Variants in TFPI observed in about 807,000 individuals in gnomAD.
TFPI encodes the protein anti-convertin.
Under a neutral mutation model 34.6 loss-of-function variants are expected in TFPI, and 15 were observed. That is an observed-to-expected ratio of 0.43 (90% confidence interval 0.29 to 0.67). The LOEUF (loss-of-function observed/expected upper bound fraction) is 0.67. Among genes scored for constraint, TFPI ranks in the 30% least tolerant of loss-of-function variants. The pLI, the probability that TFPI is intolerant of heterozygous loss-of-function variation, is 0.15. For synonymous variants in TFPI, 105 were observed against 120.1 expected (o/e 0.87, Z 0.82); for missense variants, 301 against 364.0 (o/e 0.83, Z 1.41).
intron 1 of TFPI, among the ~76,000 whole-genome samples, chr2:187,539,551 A>G (rs1688457508): frequency 6.6e-6 from 1 of 152,226 alleles, no homozygotes; most frequent in Non-Finnish European, 1.5e-5. Context: ...TACAGCAGAT[A>G]GTGTGTAACC....
At chr2:187,523,348 G>A (rs940092391) in intron 1 of TFPI, among the ~76,000 whole-genome samples, 1 of 152,022 alleles carries the variant, frequency 6.6e-6, no homozygotes, top group Non-Finnish European at 1.5e-5. Flanking sequence ...ATAGCAATAG[G>A]AATATTGTTA....
chr2:187,553,057 G>T (rs1218286700), intron 1 of TFPI, among the ~76,000 whole-genome samples: 1 of 151,962 alleles, frequency 6.6e-6, no homozygotes, highest in African/African-American at 2.4e-5. Context: ...GATTAGATGA[G>T]ATATGGACAC....
chr2:187,502,740 A>G (rs1685932527), intron 2 of TFPI, among the ~76,000 whole-genome samples: 1 of 152,074 alleles, frequency 6.6e-6, no homozygotes, highest in African/African-American at 2.4e-5. Flanking sequence ...ACACTCCCCT[A>G]GGAAACAGTG....
At chr2:187,552,194 CT>C (rs1363648982) in intron 1 of TFPI, among the ~76,000 whole-genome samples, 3 of 151,544 alleles carry the variant, frequency 2.0e-5, no homozygotes, top group Admixed American at 6.6e-5. Flanking sequence ...TGAAAGATAC[CT>C]TAAAATTTTG....
chr2:187,491,823 A>T (rs573554030), intron 3 of TFPI, among the ~76,000 whole-genome samples: 111 of 152,226 alleles, frequency 7.3e-4, no homozygotes, highest in African/African-American at 2.5e-3. Flanking sequence ...TTCCAGCAAC[A>T]ATTTATAAGC....
chr2:187,512,705 C>T (rs2106167053), intron 1 of TFPI, among the ~76,000 whole-genome samples: 1 of 151,946 alleles, frequency 6.6e-6, no homozygotes, highest in South Asian at 2.1e-4. Flanking sequence ...ACAGTCTAGT[C>T]CACAGACATA....
At chr2:187,522,891 AAAATAAATAAATAAATAAATAAAT>A (rs138871269) in intron 1 of TFPI, among the ~76,000 whole-genome samples, 1 of 142,590 alleles carries the variant, frequency 7.0e-6, no homozygotes, top group Non-Finnish European at 1.5e-5. Flanking sequence ...ACTGTGTCTC[AAAATAAATAAATAAATAAATAAAT>A]AAATAAATAA....
At chr2:187,534,594 G>A (rs963622579) in intron 1 of TFPI, among the ~76,000 whole-genome samples, 9 of 151,996 alleles carry the variant, frequency 5.9e-5, no homozygotes, top group Admixed American at 1.3e-4. Context: ...AGAAACAATC[G>A]GTACCAGCCA....
At chr2:187,503,147 T>C (rs1438656170) in intron 2 of TFPI, among the ~76,000 whole-genome samples, 5 of 152,014 alleles carry the variant, frequency 3.3e-5, no homozygotes, top group Non-Finnish European at 5.9e-5. Flanking sequence ...ATCTAACTTA[T>C]ATTACTAGAT....
chr2:187,511,206 C>T (rs1484212646), intron 1 of TFPI, among the ~76,000 whole-genome samples: 3 of 152,168 alleles, frequency 2.0e-5, no homozygotes, highest in Non-Finnish European at 4.4e-5. Context: ...GTCTGGACAT[C>T]TGAAACTTGG....
intron 1 of TFPI, among the ~76,000 whole-genome samples, chr2:187,527,790 T>C (rs1213234773): frequency 6.6e-6 from 1 of 152,192 alleles, no homozygotes; most frequent in African/African-American, 2.4e-5. Flanking sequence ...GTTTCTTATC[T>C]GTTAGACTAC....
chr2:187,478,636 T>C, intron 6 of TFPI: 1 of 1,603,976 alleles, frequency 6.2e-7, no homozygotes, highest in Non-Finnish European at 8.5e-7. Context: ...AGGCATCACG[T>C]ATACATATAA....
intron 4 of TFPI, among the ~76,000 whole-genome samples, chr2:187,486,061 A>C (rs1693238695): frequency 6.6e-6 from 1 of 151,744 alleles, no homozygotes; most frequent in African/African-American, 2.4e-5. Context: ...TATTTTATTA[A>C]GTAAAACTTC....
At chr2:187,503,392 G>GA (rs1685980062) in intron 2 of TFPI, among the ~76,000 whole-genome samples, 1 of 149,284 alleles carries the variant, frequency 6.7e-6, no homozygotes, top group Admixed American at 6.7e-5. Flanking sequence ...ATTGTATGCT[G>GA]AAAAAAAAGA....
At chr2:187,532,263 A>T (rs570402022) in intron 1 of TFPI, among the ~76,000 whole-genome samples, 45 of 152,072 alleles carry the variant, frequency 3.0e-4, no homozygotes, top group African/African-American at 1.0e-3. Context: ...GAATGAGATA[A>T]TATTGATAAC....
rs1262647969 is a variant in TFPI at position 187,534,590 on chromosome 2, A to G, written c.-3+19610T>C. Among the ~76,000 whole-genome samples the G allele has an allele frequency of 2.6e-5, 4 of 152,326 alleles. No individual in the cohort carries two copies. In the East Asian group the frequency reaches 7.7e-4, roughly 29 times the overall value. ...GGAGGCACTAAATATGGAAAGAAAC[A>G]ATCGGTACCAGCCACTGCAAAAACA... On this transcript the variant is annotated intron_variant, in intron 1 of 7. Coordinates refer to ENST00000233156, the MANE Select transcript of TFPI (RefSeq NM_006287.6).
chr2:187,554,060 A>G (rs1383099348), intron 1 of TFPI, 140 bp downstream of exon 1: 1 of 152,206 alleles, frequency 6.6e-6, no homozygotes, highest in African/African-American at 2.4e-5. Context: ...TTTACAGGGA[A>G]GGGCTGATTT....
intron 1 of TFPI, chr2:187,516,105 A>AG (rs1686988817): frequency 6.6e-6 from 1 of 152,186 alleles, no homozygotes; most frequent in African/African-American, 2.4e-5. Flanking sequence ...AACTAATAAA[A>AG]CTGGTAGAGC....
At chr2:187,546,277 TGTAA>T (rs1688853621) in intron 1 of TFPI, among the ~76,000 whole-genome samples, 1 of 134,574 alleles carries the variant, frequency 7.4e-6, no homozygotes, top group South Asian at 2.4e-4. Flanking sequence ...TAGTTAAATT[TGTAA>T]GTTTTTTTTT....
Sources: gnomAD v4.1 joint callset for allele counts (sites outside exome capture counted in the v4.1 genomes callset) on GRCh38, gnomAD v4.1.1 for gene constraint, MANE v1.5 for transcripts, NCBI Gene and HGNC (gene_info 2026-07-23, HGNC 2026-07-21) for gene names.